PPM1H: variants seen among roughly 807,000 people sequenced by gnomAD.
PPM1H encodes the protein protein phosphatase, Mg2+/Mn2+ dependent 1H.
A neutral mutation model predicts 54.9 loss-of-function variants in PPM1H; 27 were observed. That is an observed-to-expected ratio of 0.49 (90% CI 0.36 to 0.68). The LOEUF (loss-of-function observed/expected upper bound fraction) is 0.68, where lower values mean the gene tolerates loss of function less well. PPM1H is among the 30% of genes least tolerant of loss of function. The pLI is 0.00. For synonymous variants in PPM1H, 305 were observed against 270.8 expected, an observed-to-expected ratio of 1.13 and a Z score of -1.24; for missense variants, 596 against 667.8, an observed-to-expected ratio of 0.89 and a Z score of 1.19.
chr12:62,839,212 G>A (rs1320100230), intron 1 of PPM1H, among the ~76,000 whole-genome samples: 1 of 152,026 alleles, frequency 6.6e-6, no homozygotes. Flanking sequence ...CTAGGAAGAG[G>A]TCCTTCTGTA....
chr12:62,848,857 T>C (rs1422796405), intron 1 of PPM1H, among the ~76,000 whole-genome samples: 1 of 151,102 alleles, frequency 6.6e-6, no homozygotes, highest in Non-Finnish European at 1.5e-5. Context: ...CATTGAATTA[T>C]GGTAATAGGA....
intron 1 of PPM1H, among the ~76,000 whole-genome samples, chr12:62,859,742 C>G (rs1168248894): frequency 6.6e-6 from 1 of 152,168 alleles, no homozygotes; most frequent in African/African-American, 2.4e-5. Context: ...TGCTTGCCAC[C>G]AGGCCCTTCA....
intron 1 of PPM1H, among the ~76,000 whole-genome samples, chr12:62,880,797 A>C (rs939303281): frequency 6.6e-6 from 1 of 152,130 alleles, no homozygotes; most frequent in Non-Finnish European, 1.5e-5. Context: ...ATGTGTGAAC[A>C]TTCCCTTCTC....
intron 1 of PPM1H, among the ~76,000 whole-genome samples, chr12:62,888,767 C>CAA (rs1392985844): frequency 1.3e-5 from 2 of 152,164 alleles, no homozygotes; most frequent in African/African-American, 4.8e-5. Context: ...CAAGGATATA[C>CAA]AAGCAACTTT....
At chr12:62,781,335 C>T (rs1254971194) in intron 4 of PPM1H, among the ~76,000 whole-genome samples, 4 of 152,216 alleles carry the variant, frequency 2.6e-5, no homozygotes, top group East Asian at 1.9e-4. Flanking sequence ...AGGTCGCCCC[C>T]GCCCCACTGC....
intron 3 of PPM1H, among the ~76,000 whole-genome samples, chr12:62,791,112 T>G (rs778599733): frequency 6.6e-6 from 1 of 152,200 alleles, no homozygotes; most frequent in African/African-American, 2.4e-5. Context: ...TCCCCTTACC[T>G]CTGCCTTAAT....
intron 1 of PPM1H, among the ~76,000 whole-genome samples, chr12:62,849,016 G>C (rs1312899648): frequency 6.6e-6 from 1 of 152,176 alleles, no homozygotes; most frequent in Non-Finnish European, 1.5e-5. Context: ...ATAGTGGTGA[G>C]TGAGAGACTA....
intron 8 of PPM1H, among the ~76,000 whole-genome samples, chr12:62,678,037 G>C (rs912810669): frequency 6.6e-6 from 1 of 152,012 alleles, no homozygotes. Flanking sequence ...TCACCTCCCA[G>C]GCTCAAGCAA....
chr12:62,686,906 TCCG>T (rs936198153), intron 8 of PPM1H, among the ~76,000 whole-genome samples: 3 of 152,102 alleles, frequency 2.0e-5, no homozygotes, highest in African/African-American at 7.2e-5. Flanking sequence ...GGCTCACAGC[TCCG>T]CCAAAGTGGT....
At chr12:62,816,009 C>G (rs1328789691) in intron 2 of PPM1H, among the ~76,000 whole-genome samples, 1 of 152,104 alleles carries the variant, frequency 6.6e-6, no homozygotes, top group Non-Finnish European at 1.5e-5. Context: ...CTAACTAACT[C>G]CCATATCAAA....
At chr12:62,708,845 T>A (rs1309271838) in intron 6 of PPM1H, among the ~76,000 whole-genome samples, 1 of 152,122 alleles carries the variant, frequency 6.6e-6, no homozygotes, top group Non-Finnish European at 1.5e-5. Flanking sequence ...CAGTACCCAA[T>A]AGGTAGTTTT....
chr12:62,742,244 C>G (rs553950447), intron 4 of PPM1H, among the ~76,000 whole-genome samples: 10 of 152,188 alleles, frequency 6.6e-5, no homozygotes, highest in Non-Finnish European at 1.2e-4. Flanking sequence ...CATCTATGTA[C>G]AGAACATTTT....
chr12:62,747,446 A>C (rs932373240), intron 4 of PPM1H, among the ~76,000 whole-genome samples: 1 of 152,120 alleles, frequency 6.6e-6, no homozygotes, highest in Non-Finnish European at 1.5e-5. Flanking sequence ...ATTTTTAAAA[A>C]TTTTTTAGAG....
intron 1 of PPM1H, among the ~76,000 whole-genome samples, chr12:62,879,847 T>G (rs1359847104): frequency 2.0e-5 from 3 of 152,162 alleles, no homozygotes; most frequent in African/African-American, 7.2e-5. Context: ...CTCTGCACAC[T>G]AATTAAATTG....
intron 1 of PPM1H, among the ~76,000 whole-genome samples, chr12:62,871,671 C>T (rs1869990141): frequency 6.6e-6 from 1 of 151,956 alleles, no homozygotes. Flanking sequence ...TGTGTCACCA[C>T]ATCTGGCTAG....
intron 4 of PPM1H, among the ~76,000 whole-genome samples, chr12:62,779,125 C>T (rs367852263): frequency 6.6e-6 from 1 of 152,068 alleles, no homozygotes; most frequent in Non-Finnish European, 1.5e-5. Flanking sequence ...GCAACTTCCA[C>T]CTCCCGAGTT....
chr12:62,800,241 ACCATGTGCCTAT>A (rs1555197365), intron 3 of PPM1H, among the ~76,000 whole-genome samples: 1 of 152,068 alleles, frequency 6.6e-6, no homozygotes, highest in Non-Finnish European at 1.5e-5. Flanking sequence ...TGGAACATGC[ACCATGTGCCTAT>A]CCGGTTCTGG....
intron 4 of PPM1H, chr12:62,755,660 A>T: frequency 1.5e-6 from 1 of 658,520 alleles, no homozygotes; most frequent in Non-Finnish European, 2.7e-6. Context: ...CAGCCTCAAG[A>T]TCATCAGCAT....
At chr12:62,833,678 G>A (rs1868418151) in intron 1 of PPM1H, among the ~76,000 whole-genome samples, 1 of 152,152 alleles carries the variant, frequency 6.6e-6, no homozygotes. Flanking sequence ...AAGCGAGCGT[G>A]TTTCAAAGCA....
Sources: allele counts gnomAD v4.1 joint callset (sites outside exome capture counted in the v4.1 genomes callset), GRCh38; gene constraint gnomAD v4.1.1; transcripts MANE v1.5; gene names NCBI Gene and HGNC (gene_info 2026-07-23, HGNC 2026-07-21).